The following COMMD5 variants were observed in gnomAD, a reference collection of about 807,000 sequenced individuals.
COMMD5 encodes COMM domain-containing protein 5.
COMMD5 carries 10 observed loss-of-function variants against 6.9 expected under a neutral mutation model. The observed-to-expected ratio is 1.44, with a 90% CI of 0.89 to 2.45. COMMD5 has a LOEUF of 2.45. Ranked by LOEUF, COMMD5 falls within the 30% of genes most tolerant of loss-of-function variation. The pLI, the probability that COMMD5 is intolerant of heterozygous loss-of-function variation, is 0.00. For missense variants in COMMD5, 234 were observed against 287.8 expected, an observed-to-expected ratio of 0.81 and a Z score of 1.35; for synonymous variants, 127 against 125.3, an observed-to-expected ratio of 1.01 and a Z score of -0.09.
chr8:144,850,482 G>C lies in COMMD5; in HGVS notation c.*182C>G, dbSNP rs1272403065. 2.1e-5 allele frequency: 15 copies of C among 707,670 alleles called. No homozygotes were observed. The highest frequency in any genetic ancestry group is 3.4e-5 in the Non-Finnish European group (15 of 443,610). 43.8% of individuals were successfully genotyped at this position (707,670 alleles called of 1,614,324 possible). ...TTTTTAGCTGCTTTACTTCCAAAAA[G>C]AAAAAAAGGCATAGCTCTCTTTTTC... On this transcript the variant is annotated 3_prime_UTR_variant, in exon 2 of 2. Coordinates refer to ENST00000305103, the MANE Select transcript of COMMD5 (RefSeq NM_014066.4). This position sits in a 1 kb window ranked among gnomAD's most constrained non-coding sequence, Gnocchi z 4.0.
Position 144,850,635 on chromosome 8 carries a change from G to A in COMMD5, c.*29C>T. On this transcript the variant is annotated 3_prime_UTR_variant, in exon 2 of 2. Transcript: ENST00000305103. The surrounding 1 kb of genome is among the most constrained non-coding windows in gnomAD (Gnocchi z 4.0). ...CCATCTCAGGTGCCTGTCCAAGCCG[G>A]ATCTGAATGGGACTGGTCAAGTGAG... 1 of 1,593,814 alleles carries A rather than the reference G, an allele frequency of 6.3e-7. No individual in the cohort carries two copies. Among genetic ancestry groups the A allele is most frequent in the Non-Finnish European group, 8.6e-7 (1 of 1,166,444 alleles).
rs767510656 is a variant in COMMD5, at chr8:144,851,096, C to G, written c.243G>C (p.Gln81His). 6.2e-7 allele frequency: 1 copy of G among 1,612,044 alleles called. No individual in the cohort carries two copies. Among genetic ancestry groups the G allele is most frequent in the Non-Finnish European group, 8.5e-7 (1 of 1,179,406 alleles). The change falls in exon 2 of 2, where the codon CAG becomes CAC. Residue 81 changes from glutamine to histidine, a missense_variant. Gln to His is a conservative substitution (Grantham distance 24). Coordinates refer to ENST00000305103, the MANE Select transcript of COMMD5 (RefSeq NM_014066.4). The stretch of plus-strand genomic sequence containing the variant: ...GCATGCCTGCCAGCAGGGCACCCAG[C>G]TGCTCCTCCGGCAGGTTGGCGCTGA... ...LGVSANLPEE[Q>H]LGALLAGMHT...
At chr8:144,841,272 T>G (rs943348469) in exon 2 of COMMD5, 25 of 1,416,716 alleles carry the variant, frequency 1.8e-5, no homozygotes, top group Non-Finnish European at 2.4e-5. Context: ...CTGGGAGCCT[T>G]GAGCCCTGGC....
At chr8:144,842,544 T>G in intron 1 of COMMD5, 2 of 1,614,042 alleles carry the variant, frequency 1.2e-6, no homozygotes, top group South Asian at 2.2e-5. Context: ...AAGGCTTTGT[T>G]CAGGGCTCAC....
chr8:144,841,676 G>C, exon 2 of COMMD5: 1 of 1,614,186 alleles, frequency 6.2e-7, no homozygotes, highest in Non-Finnish European at 8.5e-7. Context: ...CAGGGAGAGA[G>C]TGCGGAAGGG....
downstream of COMMD5, among the ~76,000 whole-genome samples, chr8:144,845,530 A>T (rs1177192221): frequency 6.6e-6 from 1 of 152,094 alleles, no homozygotes; most frequent in East Asian, 1.9e-4. Context: ...GCTGAAATTG[A>T]ATTTTCACGT....
intron 1 of COMMD5, among the ~76,000 whole-genome samples, 183 bp from the exon 2 acceptor site, chr8:144,851,578 A>C (rs1430824859): frequency 6.6e-6 from 1 of 151,936 alleles, no homozygotes; most frequent in Non-Finnish European, 1.5e-5. Context: ...GGAGGAGCGG[A>C]GGCCTCCCAG....
chr8:144,842,340 A>G (rs748050885), intron 1 of COMMD5: 6 of 1,613,702 alleles, frequency 3.7e-6, no homozygotes, highest in African/African-American at 1.3e-5. Context: ...CTGTAGAGAA[A>G]CCATTTAAGT....
chr8:144,843,379 G>A (rs1188315476), intron 1 of COMMD5: 2 of 527,242 alleles, frequency 3.8e-6, no homozygotes, highest in Non-Finnish European at 6.4e-6. Context: ...CACGAGGTCA[G>A]GAGGTTGAGA....
rs765989367 is a variant in COMMD5, at chr8:144,850,804, G to T, written c.535C>A (p.Gln179Lys). The T allele has an allele frequency of 1.2e-6, 2 of 1,614,024 alleles. No homozygotes were observed. The highest frequency in any genetic ancestry group is 2.2e-5 in the South Asian group (2 of 91,078). Reference protein sequence around the residue: ...ARSLQPSVLMQLKLSDGSAYR... With the variant: ...ARSLQPSVLMKLKLSDGSAYR... ...GCTGACCCATCTGAAAGCTTCAGCT[G>T]CATCAGGACGCTCGGCTGCAGGGAG... The change falls in exon 2 of 2, where the codon CAG becomes AAG. Residue 179 changes from glutamine (Q) to lysine (K), a missense_variant. Gln to Lys is a moderately conservative substitution (Grantham distance 53). Transcript: ENST00000305103. This position sits in a 1 kb window ranked among gnomAD's most constrained non-coding sequence, Gnocchi z 4.0.
At chr8:144,843,498 G>T in intron 1 of COMMD5, 1 of 175,018 alleles carries the variant, frequency 5.7e-6, no homozygotes, top group Non-Finnish European at 1.2e-5. Context: ...TGAGGCAGGA[G>T]AATGGCATCA....
chr8:144,842,994 T>C (rs749763735), intron 1 of COMMD5: 1 of 1,614,204 alleles, frequency 6.2e-7, no homozygotes, highest in South Asian at 1.1e-5. Flanking sequence ...AGGTTAATAC[T>C]ATAAAGAAAC....
downstream of COMMD5, chr8:144,838,454 G>A (rs112125183): frequency 5.3e-5 from 19 of 360,280 alleles, no homozygotes; most frequent in African/African-American, 1.9e-4. Flanking sequence ...CTGCTTAGCC[G>A]GTGTGCTGCC....
intron 1 of COMMD5, among the ~76,000 whole-genome samples, chr8:144,851,714 A>G (rs1423462002): frequency 6.6e-6 from 1 of 152,102 alleles, no homozygotes; most frequent in Non-Finnish European, 1.5e-5. Context: ...GAACTAGGGG[A>G]ACGGTCCGGG....
At chr8:144,845,728 C>T, downstream of COMMD5, among the ~76,000 whole-genome samples, 1 of 152,198 alleles carries the variant, frequency 6.6e-6, no homozygotes, top group East Asian at 1.9e-4. Context: ...CCTGCCTCTT[C>T]AGGGGCTCCT....
At chr8:144,843,219 T>G (rs756958478) in intron 1 of COMMD5, 2 of 1,494,996 alleles carry the variant, frequency 1.3e-6, no homozygotes, top group African/African-American at 2.8e-5. Flanking sequence ...TAGCCTTAAC[T>G]TACTTATTTT....
At chr8:144,841,423 G>T (rs1233103847) in exon 2 of COMMD5, 2 of 1,614,172 alleles carry the variant, frequency 1.2e-6, no homozygotes. Flanking sequence ...AGAATCCTAT[G>T]GGACAGTGGT....
chr8:144,843,137 T>C (rs1238099328), intron 1 of COMMD5: 2 of 1,595,664 alleles, frequency 1.3e-6, no homozygotes, highest in East Asian at 2.2e-5. Context: ...AGCTCAAGGC[T>C]TACCCAGCAT....
chr8:144,844,782 G>GAA (rs1419128843), intron 1 of COMMD5, among the ~76,000 whole-genome samples: 1 of 150,410 alleles, frequency 6.6e-6, no homozygotes, highest in Admixed American at 6.6e-5. Flanking sequence ...AATATGGGGA[G>GAA]AAGAACCTGA....
Sources: allele counts gnomAD v4.1 joint callset (sites outside exome capture counted in the v4.1 genomes callset), GRCh38; gene constraint gnomAD v4.1.1; non-coding constraint Gnocchi (gnomAD v3.1); transcripts MANE v1.5; gene names NCBI Gene and HGNC (gene_info 2026-07-23, HGNC 2026-07-21).